The following ATXN10 variants were observed in gnomAD, a reference collection of about 807,000 sequenced individuals.
ATXN10 encodes the protein ataxin-10.
In ATXN10, 28 loss-of-function variants were observed where a neutral mutation model predicts 52.9. That is an observed-to-expected ratio of 0.53 (90% CI 0.39 to 0.73). The LOEUF (loss-of-function observed/expected upper bound fraction) is 0.73. ATXN10 is among the 30% of genes least tolerant of loss of function. The probability of loss-of-function intolerance (pLI) is 0.00; values close to 1 mark genes in which losing one functional copy is unlikely to be tolerated. For synonymous variants in ATXN10, 226 were observed against 221.5 expected (o/e 1.02, Z -0.18); for missense variants, 565 against 577.0 (o/e 0.98, Z 0.21).
chr22:45,702,603 G>A (rs779113477), intron 4 of ATXN10, 86 bp from the exon 5 acceptor site: 20 of 1,268,376 alleles, frequency 1.6e-5, no homozygotes, highest in Non-Finnish European at 2.1e-5. Context: ...TTAGCATGTA[G>A]TGAATTTGAC....
At chr22:45,822,427 A>G (rs1375192286) in intron 10 of ATXN10, among the ~76,000 whole-genome samples, 4 of 150,738 alleles carry the variant, frequency 2.7e-5, no homozygotes, top group African/African-American at 9.8e-5. Context: ...AGCTCCTTTC[A>G]CTCTGCCTTC....
At chr22:45,773,625 T>C (rs1408515975) in intron 9 of ATXN10, among the ~76,000 whole-genome samples, 6 of 152,052 alleles carry the variant, frequency 3.9e-5, no homozygotes, top group Non-Finnish European at 7.4e-5. Context: ...GCCTGGCTAA[T>C]TTTTGTATTT....
rs1232518533 is a variant in ATXN10 at position 45,784,434 on chromosome 22, A to G, written c.1174-22525A>G. Reference sequence around the variant, plus strand: ...TTCAAGCAGAGCTAACACAGCTTCTAAGACATATGATCTTGATTCGTAAGA... The same window carrying G: ...TTCAAGCAGAGCTAACACAGCTTCTGAGACATATGATCTTGATTCGTAAGA... On this transcript the variant is annotated intron_variant, in intron 9 of 11. Coordinates refer to ENST00000252934, the MANE Select transcript of ATXN10 (RefSeq NM_013236.4). The surrounding 1 kb of genome is among the most constrained non-coding windows in gnomAD (Gnocchi z 4.2). 6.6e-6 allele frequency among the ~76,000 whole-genome samples: 1 copy of G among 152,200 alleles called. No homozygotes were observed. The highest frequency in any genetic ancestry group is 1.9e-4 in the East Asian group (1 of 5,190).
Position 45,842,332 on chromosome 22 carries a change from C to A in ATXN10, c.1238-659C>A, listed in dbSNP as rs529060678. Among the ~76,000 whole-genome samples, 1 of 152,304 alleles carries A rather than the reference C, an allele frequency of 6.6e-6. No individual in the cohort carries two copies. The highest frequency in any genetic ancestry group is 2.1e-4 in the South Asian group (1 of 4,822). On this transcript the variant is annotated intron_variant, in intron 10 of 11. Transcript: ENST00000252934. This position sits in a 1 kb window ranked among gnomAD's most constrained non-coding sequence, Gnocchi z 4.8. The stretch of plus-strand genomic sequence containing the variant: ...AGGTTGTCTCTGGTCTCCTGCCAAG[C>A]GGAACGTGCCAGGTGAACACTTGGG...
rs75702550 is a variant in ATXN10, at chr22:45,681,642, G to A, written c.117-8070G>A. On this transcript the variant is annotated intron_variant, in intron 1 of 11. Transcript: ENST00000252934. The surrounding 1 kb of genome is among the most constrained non-coding windows in gnomAD (Gnocchi z 4.2). Reference sequence around the variant, plus strand: ...GTCAAATCCAACTTGTTACCTTTGCGACAGTACCCAAATAGCTGAACAAGG... The same window carrying A: ...GTCAAATCCAACTTGTTACCTTTGCAACAGTACCCAAATAGCTGAACAAGG... Among the ~76,000 whole-genome samples the A allele has an allele frequency of 1.3e-5, 2 of 152,194 alleles. No individual in the cohort carries two copies. The highest frequency in any genetic ancestry group is 2.4e-5 in the African/African-American group (1 of 41,518).
In ATXN10 at chr22:45,823,211, A is replaced by G. The variant is rs1485543821; in HGVS notation, c.1237+16189A>G. The G allele has an allele frequency of 2.1e-6, 1 of 471,406 alleles. No individual in the cohort carries two copies. The highest frequency in any genetic ancestry group is 4.4e-6 in the Non-Finnish European group (1 of 227,144). The allele number at this position is 471,406 out of a possible 1,614,324, so 29.2% of individuals were successfully genotyped here. A position where few individuals can be genotyped will look rare whatever the true frequency, so the allele number is the denominator to read the frequency against. On this transcript the variant is annotated intron_variant, in intron 10 of 11. Coordinates refer to ENST00000252934, the MANE Select transcript of ATXN10 (RefSeq NM_013236.4). The surrounding 1 kb of genome is among the most constrained non-coding windows in gnomAD (Gnocchi z 4.9). Reference sequence around the variant, plus strand: ...CCCGTCTCCCTCACTGCCAATCCCCAGATGTAACTTCTGTTCTGACTTCTA... The same window carrying G: ...CCCGTCTCCCTCACTGCCAATCCCCGGATGTAACTTCTGTTCTGACTTCTA...
rs922306622 is a variant in ATXN10 at position 45,844,734 on chromosome 22, C to G, written c.*1063C>G. On this transcript the variant is annotated 3_prime_UTR_variant, in exon 12 of 12. Transcript: ENST00000252934. ...AAAACATATTATTTTCTTCAACAAC[C>G]ATATCGCTAAACTAATATATCCAGA... 6.6e-6 allele frequency: 1 copy of G among 152,188 alleles called. No homozygotes were observed. Among genetic ancestry groups the G allele is most frequent in the African/African-American group, 2.4e-5 (1 of 41,434 alleles). The allele number at this position is 152,188 out of a possible 1,614,324, so 9.4% of individuals were successfully genotyped here.
At chr22:45,782,065 C>T (rs564576937) in intron 9 of ATXN10, among the ~76,000 whole-genome samples, 2 of 152,190 alleles carry the variant, frequency 1.3e-5, no homozygotes, top group Non-Finnish European at 2.9e-5. Flanking sequence ...TCAAGAGGGT[C>T]AAGAGTGGAT....
intron 10 of ATXN10, among the ~76,000 whole-genome samples, chr22:45,817,389 A>G (rs1928499819): frequency 7.3e-6 from 1 of 136,436 alleles, no homozygotes; most frequent in South Asian, 2.2e-4. Flanking sequence ...CAATGGCGCG[A>G]TCTCTGCTCA....
At chr22:45,743,211 C>T (rs1324189851) in intron 9 of ATXN10, among the ~76,000 whole-genome samples, 3 of 152,186 alleles carry the variant, frequency 2.0e-5, no homozygotes, top group Admixed American at 2.0e-4. Flanking sequence ...TGAAGGAGTT[C>T]ATTCTTTGAG....
intron 5 of ATXN10, among the ~76,000 whole-genome samples, chr22:45,707,833 C>G (rs1924101541): frequency 6.6e-6 from 1 of 151,944 alleles, no homozygotes; most frequent in African/African-American, 2.4e-5. Flanking sequence ...AATGAGATCA[C>G]AGAATATCCA....
rs1253363089 is a variant in ATXN10 at position 45,712,063 on chromosome 22, CAA to C, written c.648-6348_648-6347del. 1.3e-5 allele frequency among the ~76,000 whole-genome samples: 2 copies of C among 152,126 alleles called. No individual in the cohort carries two copies. The highest frequency in any genetic ancestry group is 2.4e-5 in the African/African-American group (1 of 41,410). On this transcript the variant is annotated intron_variant, in intron 5 of 11. Transcript: ENST00000252934. This position sits in a 1 kb window ranked among gnomAD's most constrained non-coding sequence, Gnocchi z 4.6. ...TATTGAGAAGTTTGGGAATTAGAAA[CAA>C]AGAGGTAATAACCAGATGGATGTTT...
chr22:45,730,498 A>G (rs532913627), intron 7 of ATXN10, among the ~76,000 whole-genome samples: 42 of 152,296 alleles, frequency 2.8e-4, no homozygotes, highest in Middle Eastern at 3.4e-3. Context: ...CAGTGGCACA[A>G]TCTTGACTCA....
At position 45,780,502 on chromosome 22, in the gene ATXN10, G is replaced by T. The variant is rs749450510; in HGVS notation, c.1174-26457G>T. On this transcript the variant is annotated intron_variant, in intron 9 of 11. Coordinates refer to ENST00000252934, the MANE Select transcript of ATXN10 (RefSeq NM_013236.4). The surrounding 1 kb of genome is among the most constrained non-coding windows in gnomAD (Gnocchi z 4.0). ...GTCAGGCAGACCTAGGTTCAACCCT[G>T]GCCCTGCTGTGGAGTGGATGTGAAC... is the stretch of plus-strand genomic sequence containing the variant. 8.5e-5 allele frequency among the ~76,000 whole-genome samples: 13 copies of T among 152,174 alleles called. No homozygotes were observed. The highest frequency in any genetic ancestry group is 1.9e-4 in the Non-Finnish European group (13 of 68,040).
At chr22:45,806,002 A>G (rs925389149) in intron 9 of ATXN10, among the ~76,000 whole-genome samples, 6 of 152,232 alleles carry the variant, frequency 3.9e-5, no homozygotes, top group Non-Finnish European at 7.3e-5. Context: ...ATCTTTACAA[A>G]AAAATAAAAT....
intron 6 of ATXN10, among the ~76,000 whole-genome samples, chr22:45,725,821 C>T (rs1342114629): frequency 6.6e-6 from 1 of 152,032 alleles, no homozygotes; most frequent in Non-Finnish European, 1.5e-5. Context: ...GTGGCTTTTA[C>T]TATTTTGAGA....
rs1232792143 is a variant in ATXN10, at chr22:45,836,742, G to A, written c.1238-6249G>A. On this transcript the variant is annotated intron_variant, in intron 10 of 11. Transcript: ENST00000252934. ...AGTATTTTGGTTTGTGCAATATAAC[G>A]CATTTTGAGAGCAATTTTTAAACTG... Among the ~76,000 whole-genome samples the A allele has an allele frequency of 2.6e-5, 4 of 152,152 alleles. No homozygotes were observed. The South Asian group carries it at 6.2e-4, about 24-fold the overall frequency.
At chr22:45,839,659 C>A (rs1371998229) in intron 10 of ATXN10, among the ~76,000 whole-genome samples, 1 of 152,172 alleles carries the variant, frequency 6.6e-6, no homozygotes, top group African/African-American at 2.4e-5. Context: ...TTTCACAAAA[C>A]GTGATAGAAA....
rs923151756 is a variant in ATXN10 at position 45,780,428 on chromosome 22, G to T, written c.1174-26531G>T. 6.6e-6 allele frequency among the ~76,000 whole-genome samples: 1 copy of T among 152,258 alleles called. No individual in the cohort carries two copies. Among genetic ancestry groups the T allele is most frequent in the Admixed American group, 6.5e-5 (1 of 15,294 alleles). On this transcript the variant is annotated intron_variant, in intron 9 of 11. Transcript: ENST00000252934. This position sits in a 1 kb window ranked among gnomAD's most constrained non-coding sequence, Gnocchi z 4.0. ...AGCAGGGTGTGAAAGCCCCCTTGTT[G>T]CCTGTTTCAGAATTTATGCAGTGTG...
Sources: allele counts gnomAD v4.1 joint callset (sites outside exome capture counted in the v4.1 genomes callset), GRCh38; gene constraint gnomAD v4.1.1; non-coding constraint Gnocchi (gnomAD v3.1); transcripts MANE v1.5; gene names NCBI Gene and HGNC (gene_info 2026-07-23, HGNC 2026-07-21).